The following CFTR variants were observed in gnomAD, a reference collection of about 807,000 sequenced individuals.
CFTR encodes cystic fibrosis transmembrane conductance regulator.
In CFTR, 181 loss-of-function variants were observed where a neutral mutation model predicts 171.6. The ratio of observed to expected loss-of-function variants is 1.05; its 90% CI spans 0.93 to 1.19. The LOEUF is 1.19. CFTR is among the 50% of genes most tolerant of loss of function. CFTR has a pLI of 0.00. For synonymous variants in CFTR, 583 were observed against 608.0 expected, an observed-to-expected ratio of 0.96 and a Z score of 0.60; for missense variants, 1,968 against 1,734.7, an observed-to-expected ratio of 1.13 and a Z score of -2.39.
At chr7:117,576,803 T>C (rs1562903527) in intron 11 of CFTR, among the ~76,000 whole-genome samples, 1 of 152,124 alleles carries the variant, frequency 6.6e-6, no homozygotes, top group Non-Finnish European at 1.5e-5. Context: ...AGTTGTCCTC[T>C]ATACCCTCAC....
chr7:117,660,659 G>GAT (rs1010295121), intron 24 of CFTR, among the ~76,000 whole-genome samples: 19 of 145,558 alleles, frequency 1.3e-4, no homozygotes, highest in African/African-American at 4.5e-4. Context: ...TTATATTGGG[G>GAT]ATATATATGT....
chr7:117,627,203 A>T (rs1217015316), intron 21 of CFTR, among the ~76,000 whole-genome samples: 1 of 152,132 alleles, frequency 6.6e-6, no homozygotes, highest in African/African-American at 2.4e-5. Context: ...AGCATTGTGC[A>T]GTGCTGCTCA....
intron 24 of CFTR, among the ~76,000 whole-genome samples, chr7:117,660,972 T>C (rs1300813186): frequency 1.3e-5 from 2 of 152,242 alleles, no homozygotes; most frequent in South Asian, 2.1e-4. Flanking sequence ...TAAGAGCCAG[T>C]TGAAAGAATA....
intron 11 of CFTR, among the ~76,000 whole-genome samples, chr7:117,563,022 G>A (rs919986862): frequency 9.9e-5 from 15 of 152,080 alleles, no homozygotes; most frequent in Admixed American, 6.5e-5. Flanking sequence ...TTTCATCAGG[G>A]GAATGATGTA....
chr7:117,481,596 G>A (rs1054112395), intron 1 of CFTR, among the ~76,000 whole-genome samples: 2 of 152,112 alleles, frequency 1.3e-5, no homozygotes, highest in East Asian at 3.9e-4. Flanking sequence ...CAAAGAAAAT[G>A]TATTACAAAG....
intron 1 of CFTR, among the ~76,000 whole-genome samples, chr7:117,488,945 TC>T (rs1298999309): frequency 6.6e-6 from 1 of 152,032 alleles, no homozygotes; most frequent in African/African-American, 2.4e-5. Flanking sequence ...GTATATATAC[TC>T]CTGTGACCTC....
At chr7:117,587,005 C>T (rs35463889) in intron 11 of CFTR, among the ~76,000 whole-genome samples, 8 of 152,146 alleles carry the variant, frequency 5.3e-5, no homozygotes, top group African/African-American at 1.7e-4. Flanking sequence ...TATGACTTAC[C>T]TTCTAAATTA....
chr7:117,608,070 A>G (rs1285038795), intron 18 of CFTR, among the ~76,000 whole-genome samples: 1 of 152,202 alleles, frequency 6.6e-6, no homozygotes, highest in African/African-American at 2.4e-5. Flanking sequence ...GTGCCTCTTG[A>G]TAATTATTTG....
intron 2 of CFTR, among the ~76,000 whole-genome samples, chr7:117,508,479 T>C (rs1257125729): frequency 6.6e-6 from 1 of 152,222 alleles, no homozygotes; most frequent in Admixed American, 6.5e-5. Flanking sequence ...ATGATTTTAG[T>C]AGTTGAAAAT....
At chr7:117,566,723 G>A (rs1480864917) in intron 11 of CFTR, among the ~76,000 whole-genome samples, 3 of 152,068 alleles carry the variant, frequency 2.0e-5, no homozygotes, top group Admixed American at 1.3e-4. Context: ...TAACATCTGT[G>A]AACAGAACAT....
chr7:117,616,949 T>C (rs568608662), intron 21 of CFTR, among the ~76,000 whole-genome samples: 2 of 152,288 alleles, frequency 1.3e-5, no homozygotes, highest in East Asian at 1.9e-4. Context: ...AGTAACTTTT[T>C]TGTTTTCACC....
intron 23 of CFTR, among the ~76,000 whole-genome samples, chr7:117,651,498 T>C (rs1793089651): frequency 1.3e-5 from 2 of 152,200 alleles, no homozygotes. Flanking sequence ...TACTTTTATT[T>C]ACATAGAAGT....
intron 11 of CFTR, among the ~76,000 whole-genome samples, chr7:117,572,359 T>C (rs1377836687): frequency 6.6e-6 from 1 of 152,170 alleles, no homozygotes; most frequent in Non-Finnish European, 1.5e-5. Flanking sequence ...CTAGTGGTGA[T>C]TAATCTTTAG....
rs148356486 is a variant in CFTR at position 117,505,883 on chromosome 7, GAATT to G, written c.164+1523_164+1526del. Among the ~76,000 whole-genome samples, 184 of 152,236 alleles carry G rather than the reference GAATT, an allele frequency of 1.2e-3. 1 individual carries two copies. Among genetic ancestry groups the G allele is most frequent in the African/African-American group, 4.3e-3 (178 of 41,548 alleles). ...TTTATTTTTATTGATTTTATTCAAA[GAATT>G]AAGCTAGTGGGAGTAGCAGATTCAC... On this transcript the variant is annotated intron_variant, in intron 2 of 26. Coordinates refer to ENST00000003084, the MANE Select transcript of CFTR (RefSeq NM_000492.4).
At chr7:117,610,447 T>A in intron 18 of CFTR, 72 bp from the exon 19 acceptor site, 29 of 1,228,770 alleles carry the variant, frequency 2.4e-5, no homozygotes, top group Middle Eastern at 2.0e-4. Flanking sequence ...AAGAAATAAA[T>A]CACTGACACA....
At chr7:117,497,916 C>T (rs931324237) in intron 1 of CFTR, among the ~76,000 whole-genome samples, 1 of 151,882 alleles carries the variant, frequency 6.6e-6, no homozygotes, top group Admixed American at 6.6e-5. Context: ...TATTGTTAAA[C>T]ATTAGAGAAT....
At chr7:117,626,200 G>C (rs1792647098) in intron 21 of CFTR, among the ~76,000 whole-genome samples, 1 of 152,002 alleles carries the variant, frequency 6.6e-6, no homozygotes, top group South Asian at 2.1e-4. Flanking sequence ...GGGAAAACAG[G>C]CAATACAGTT....
chr7:117,482,135 G>A (rs1191091330), intron 1 of CFTR, among the ~76,000 whole-genome samples: 1 of 152,136 alleles, frequency 6.6e-6, no homozygotes, highest in Non-Finnish European at 1.5e-5. Flanking sequence ...GATATGCAAT[G>A]AGTGGGCCTG....
chr7:117,611,616 T>C lies in CFTR; in HGVS notation c.3175T>C (p.Leu1059=), dbSNP rs758586061. ...AATTTTCACTCATCTTGTTACAAGC[T>C]TAAAAGGACTATGGACACTTCGTGC... ...SPIFTHLVTS[L]KGLWTLRAFG... The change falls in exon 20 of 27, where the codon TTA becomes CTA. Residue 1059 remains leucine, a synonymous_variant. Coordinates refer to ENST00000003084, the MANE Select transcript of CFTR (RefSeq NM_000492.4). 1 of 1,613,162 alleles carries C rather than the reference T, an allele frequency of 6.2e-7. No homozygotes were observed. Among genetic ancestry groups the C allele is most frequent in the Non-Finnish European group, 8.5e-7 (1 of 1,179,348 alleles).
Sources: gnomAD v4.1 joint callset for allele counts (sites outside exome capture counted in the v4.1 genomes callset) on GRCh38, gnomAD v4.1.1 for gene constraint, MANE v1.5 for transcripts, NCBI Gene and HGNC (gene_info 2026-07-23, HGNC 2026-07-21) for gene names.